The following MAN2A1 variants were observed in gnomAD, a reference collection of about 807,000 sequenced individuals.
The protein encoded by MAN2A1 is mannosidase alpha class 2A member 1.
In MAN2A1, 76 loss-of-function variants were observed where a neutral mutation model predicts 142.6. That is an observed-to-expected ratio of 0.53 (90% CI 0.44 to 0.65). The LOEUF (loss-of-function observed/expected upper bound fraction) is 0.65, where lower values mean the gene tolerates loss of function less well. Among genes scored for constraint, MAN2A1 ranks in the 30% least tolerant of loss-of-function variants. The pLI, the probability that MAN2A1 is intolerant of heterozygous loss-of-function variation, is 0.00. For synonymous variants in MAN2A1, 559 were observed against 473.2 expected (o/e 1.18, Z -2.35); for missense variants, 1,311 against 1,365.1 (o/e 0.96, Z 0.62).
intron 12 of MAN2A1, among the ~76,000 whole-genome samples, chr5:109,811,690 A>C (rs185747438): frequency 6.6e-6 from 1 of 151,948 alleles, no homozygotes; most frequent in Non-Finnish European, 1.5e-5. Flanking sequence ...ACCCTGTTAT[A>C]TTGAACTTAC....
chr5:109,716,194 T>G lies in MAN2A1; in HGVS notation c.465T>G (p.Thr155=), dbSNP rs1299749903. 1.2e-6 allele frequency: 2 copies of G among 1,611,544 alleles called. No individual in the cohort carries two copies. Among genetic ancestry groups the G allele is most frequent in the African/African-American group, 2.7e-5 (2 of 74,858 alleles). ...GGVWKQGFDI[T]YESNEWDTEP... The stretch of plus-strand genomic sequence containing the variant: ...TTTGGAAGCAAGGATTTGACATTAC[T>G]TATGAATCTAATGAATGGGACACTG... Residue 155 remains threonine (T), a synonymous_variant, in exon 3 of 22, where the codon ACT becomes ACG. Coordinates refer to ENST00000261483, the MANE Select transcript of MAN2A1 (RefSeq NM_002372.4).
intron 4 of MAN2A1, among the ~76,000 whole-genome samples, chr5:109,740,546 G>GCTT (rs1208126879): frequency 6.6e-6 from 1 of 152,142 alleles, no homozygotes; most frequent in Non-Finnish European, 1.5e-5. Context: ...TCCCAGCATG[G>GCTT]CTTCATTAAG....
At chr5:109,803,700 A>G (rs573206186) in intron 12 of MAN2A1, among the ~76,000 whole-genome samples, 2 of 152,220 alleles carry the variant, frequency 1.3e-5, no homozygotes, top group South Asian at 4.1e-4. Context: ...ACTGTATGTA[A>G]CTGAAGAAAA....
intron 4 of MAN2A1, among the ~76,000 whole-genome samples, chr5:109,747,375 A>T (rs995721232): frequency 1.3e-5 from 2 of 152,134 alleles, no homozygotes; most frequent in Non-Finnish European, 2.9e-5. Flanking sequence ...TTTTTTGCAA[A>T]ATACATTATA....
At chr5:109,848,731 TC>T (rs1755404441) in intron 19 of MAN2A1, among the ~76,000 whole-genome samples, 1 of 152,190 alleles carries the variant, frequency 6.6e-6, no homozygotes. Context: ...ATCCAACACT[TC>T]CTGGGAGATT....
In MAN2A1 at chr5:109,866,990, T is replaced by C. The variant is rs773644155; in HGVS notation, c.3427T>C (p.Leu1143=). The C allele has an allele frequency of 1.2e-6, 2 of 1,607,858 alleles. No individual in the cohort carries two copies. The highest frequency in any genetic ancestry group is 1.7e-5 in the Admixed American group (1 of 58,950). ...GGAAATCAGCACATTCCGAATCCAG[T>C]TGAGGTGAACCTGACTTTCACATTT... The part of the protein sequence containing the change: ...PMEISTFRIQ[L]R Residue 1143 remains leucine (L), a synonymous_variant, in exon 22 of 22, where the codon TTG becomes CTG. Transcript: ENST00000261483.
At position 109,868,528 on chromosome 5, in the gene MAN2A1, A is replaced by G. The variant is rs1369721499; in HGVS notation, c.*1530A>G. The stretch of plus-strand genomic sequence containing the variant: ...TACCTCTTGTCATTCCAACATCTTT[A>G]TAGAGAAATAAAAACCCAATTTCTC... On this transcript the variant is annotated 3_prime_UTR_variant, in exon 22 of 22. Transcript: ENST00000261483. 9 of 152,172 alleles carry G rather than the reference A, an allele frequency of 5.9e-5. No homozygotes were observed. Among genetic ancestry groups the G allele is most frequent in the African/African-American group, 2.2e-4 (9 of 41,440 alleles). The allele number at this position is 152,172 out of a possible 1,614,324, so 9.4% of individuals were successfully genotyped here. A position where few individuals can be genotyped will look rare whatever the true frequency, so the allele number is the denominator to read the frequency against.
chr5:109,707,331 T>C (rs938200750), intron 1 of MAN2A1, among the ~76,000 whole-genome samples: 8 of 152,200 alleles, frequency 5.3e-5, no homozygotes, highest in Non-Finnish European at 7.4e-5. Context: ...TGTGGGTTTG[T>C]ATGCCAAAAC....
chr5:109,854,435 TGTAA>T (rs1755556678), intron 19 of MAN2A1: 1 of 152,188 alleles, frequency 6.6e-6, no homozygotes, highest in South Asian at 2.1e-4. Context: ...TCATATACTA[TGTAA>T]GTGTGTGATA....
At chr5:109,743,466 G>T (rs1158863663) in intron 4 of MAN2A1, among the ~76,000 whole-genome samples, 1 of 152,164 alleles carries the variant, frequency 6.6e-6, no homozygotes, top group Admixed American at 6.5e-5. Context: ...CTGAAGCAGA[G>T]GTGTTAAGGA....
chr5:109,807,604 GTCT>G (rs1455716554), intron 12 of MAN2A1, among the ~76,000 whole-genome samples: 5 of 152,164 alleles, frequency 3.3e-5, no homozygotes, highest in Admixed American at 1.3e-4. Flanking sequence ...TTGTCACATA[GTCT>G]TCTTCTCTGT....
chr5:109,862,718 C>G (rs978166294), intron 20 of MAN2A1: 1 of 152,100 alleles, frequency 6.6e-6, no homozygotes, highest in East Asian at 1.9e-4. Context: ...AATAAAATGT[C>G]TAGACAGACT....
intron 12 of MAN2A1, among the ~76,000 whole-genome samples, chr5:109,802,203 A>T (rs1194101742): frequency 6.6e-6 from 1 of 152,084 alleles, no homozygotes; most frequent in Non-Finnish European, 1.5e-5. Flanking sequence ...GACTGCCCAT[A>T]AGACAAACCC....
intron 1 of MAN2A1, among the ~76,000 whole-genome samples, chr5:109,705,674 G>A (rs1751110234): frequency 1.3e-5 from 2 of 152,196 alleles, no homozygotes; most frequent in South Asian, 4.1e-4. Flanking sequence ...AGAAAAATGT[G>A]TTATCATACA....
chr5:109,724,956 T>C (rs1582826537), intron 3 of MAN2A1, among the ~76,000 whole-genome samples: 1 of 152,210 alleles, frequency 6.6e-6, no homozygotes, highest in East Asian at 1.9e-4. Context: ...TAAATTTGCA[T>C]TTGTACTTTT....
At chr5:109,704,119 G>A (rs1379185143) in intron 1 of MAN2A1, among the ~76,000 whole-genome samples, 1 of 152,126 alleles carries the variant, frequency 6.6e-6, no homozygotes, top group African/African-American at 2.4e-5. Flanking sequence ...TACTAAGTTG[G>A]TGGCCCAGCT....
intron 12 of MAN2A1, among the ~76,000 whole-genome samples, chr5:109,803,628 G>C (rs1014936826): frequency 1.3e-5 from 2 of 152,034 alleles, no homozygotes; most frequent in African/African-American, 4.8e-5. Context: ...GTCATGGAAA[G>C]TACCATGTAT....
At chr5:109,840,378 C>T in intron 16 of MAN2A1, 1 of 383,778 alleles carries the variant, frequency 2.6e-6, no homozygotes, top group Non-Finnish European at 5.2e-6. Flanking sequence ...TTTAGGTCAT[C>T]TCCAGAGAAA....
chr5:109,706,625 A>G (rs1355213259), intron 1 of MAN2A1, among the ~76,000 whole-genome samples: 1 of 152,198 alleles, frequency 6.6e-6, no homozygotes, highest in Non-Finnish European at 1.5e-5. Context: ...CTGGTGAAGG[A>G]TGTCATTAAA....
Sources: gnomAD v4.1 joint callset for allele counts (sites outside exome capture counted in the v4.1 genomes callset) on GRCh38, gnomAD v4.1.1 for gene constraint, MANE v1.5 for transcripts, NCBI Gene and HGNC (gene_info 2026-07-23, HGNC 2026-07-21) for gene names.